The following PGGT1B variants were observed in gnomAD, a reference collection of about 807,000 sequenced individuals.
PGGT1B encodes geranylgeranyl transferase type-1 subunit beta.
Under a neutral mutation model 46.1 loss-of-function variants are expected in PGGT1B, and 30 were observed. The observed-to-expected ratio is 0.65, with a 90% confidence interval of 0.49 to 0.88. PGGT1B has a LOEUF of 0.88. PGGT1B is among the 40% of genes least tolerant of loss of function. The pLI is 0.00. For synonymous variants in PGGT1B, 170 were observed against 160.0 expected, an observed-to-expected ratio of 1.06 and a Z score of -0.47; for missense variants, 376 against 455.9, an observed-to-expected ratio of 0.82 and a Z score of 1.60.
chr5:115,215,682 C>A (rs1756394163), intron 8 of PGGT1B, among the ~76,000 whole-genome samples: 1 of 152,144 alleles, frequency 6.6e-6, no homozygotes, highest in South Asian at 2.1e-4. Flanking sequence ...AAATTGATTT[C>A]ATGAGCTCCT....
At chr5:115,216,247 C>T (rs1165186317) in intron 8 of PGGT1B, among the ~76,000 whole-genome samples, 2 of 152,102 alleles carry the variant, frequency 1.3e-5, no homozygotes, top group Admixed American at 1.3e-4. Context: ...TTAAGTGACT[C>T]TCCTGCCTCA....
At chr5:115,228,830 A>G (rs1031237279) in intron 6 of PGGT1B, among the ~76,000 whole-genome samples, 2 of 152,316 alleles carry the variant, frequency 1.3e-5, no homozygotes, top group Middle Eastern at 3.4e-3. Context: ...TTCAATAAAT[A>G]TAAGATGAGG....
chr5:115,237,236 G>A (rs1757211164), intron 4 of PGGT1B, among the ~76,000 whole-genome samples: 1 of 152,172 alleles, frequency 6.6e-6, no homozygotes, highest in African/African-American at 2.4e-5. Context: ...AGAGCTATTA[G>A]TAGATGGAGC....
intron 6 of PGGT1B, among the ~76,000 whole-genome samples, chr5:115,230,691 T>C (rs755489003): frequency 3.3e-5 from 5 of 152,108 alleles, no homozygotes; most frequent in Admixed American, 2.6e-4. Flanking sequence ...CTAATGATAG[T>C]GTAAGAAACA....
At chr5:115,259,952 T>C (rs1748486200) in intron 1 of PGGT1B, among the ~76,000 whole-genome samples, 1 of 152,148 alleles carries the variant, frequency 6.6e-6, no homozygotes, top group African/African-American at 2.4e-5. Flanking sequence ...TAATTCCTAT[T>C]ACCCAAATAC....
intron 2 of PGGT1B, among the ~76,000 whole-genome samples, chr5:115,243,611 G>A (rs780847217): frequency 9.2e-5 from 14 of 152,208 alleles, no homozygotes; most frequent in Non-Finnish European, 1.5e-4. Context: ...CCACAAACTT[G>A]GCAACTTAAA....
intron 6 of PGGT1B, among the ~76,000 whole-genome samples, chr5:115,225,322 G>C (rs1325798319): frequency 1.3e-5 from 2 of 152,188 alleles, no homozygotes; most frequent in Admixed American, 6.5e-5. Context: ...ACAGATGAAA[G>C]GGACCATAGA....
At chr5:115,217,051 ATTTAGATATGC>A in intron 7 of PGGT1B, 78 bp from the exon 8 acceptor site, 1 of 704,734 alleles carries the variant, frequency 1.4e-6, no homozygotes, top group South Asian at 1.6e-5. Context: ...GATACGTGTC[ATTTAGATATGC>A]TTTTCTTTAG....
At chr5:115,260,871 A>G (rs191398266) in intron 1 of PGGT1B, among the ~76,000 whole-genome samples, 2 of 152,332 alleles carry the variant, frequency 1.3e-5, no homozygotes, top group Admixed American at 1.3e-4. Context: ...GTTTAATGCC[A>G]ATGTGCATTA....
chr5:115,251,081 CAT>C (rs1561484908), intron 2 of PGGT1B, among the ~76,000 whole-genome samples: 1 of 152,094 alleles, frequency 6.6e-6, no homozygotes, highest in Admixed American at 6.5e-5. Context: ...CATGCTAGAA[CAT>C]ATCTTTTGGG....
intron 2 of PGGT1B, among the ~76,000 whole-genome samples, chr5:115,247,321 T>C (rs1317644418): frequency 6.6e-6 from 1 of 152,156 alleles, no homozygotes; most frequent in East Asian, 1.9e-4. Flanking sequence ...AATATAAAAT[T>C]GCATTCAAAA....
chr5:115,256,765 A>G (rs927970102), intron 1 of PGGT1B, among the ~76,000 whole-genome samples: 1 of 152,222 alleles, frequency 6.6e-6, no homozygotes, highest in Non-Finnish European at 1.5e-5. Context: ...TGGGCCTCCC[A>G]GAGAAATAGT....
chr5:115,229,447 T>C (rs901132800), intron 6 of PGGT1B, among the ~76,000 whole-genome samples: 2 of 152,178 alleles, frequency 1.3e-5, no homozygotes, highest in South Asian at 2.1e-4. Flanking sequence ...GCATGAACTA[T>C]AGCCCATCAC....
At chr5:115,248,221 T>G (rs533049344) in intron 2 of PGGT1B, among the ~76,000 whole-genome samples, 2 of 152,148 alleles carry the variant, frequency 1.3e-5, no homozygotes, top group Non-Finnish European at 2.9e-5. Flanking sequence ...AGTCTCTGAG[T>G]TCCCATGAGA....
At chr5:115,226,400 A>G (rs1756784598) in intron 6 of PGGT1B, among the ~76,000 whole-genome samples, 1 of 152,146 alleles carries the variant, frequency 6.6e-6, no homozygotes, top group African/African-American at 2.4e-5. Context: ...CTCAACATGC[A>G]CTATCTCAAG....
chr5:115,244,237 G>A (rs1206116471), intron 2 of PGGT1B, among the ~76,000 whole-genome samples: 1 of 151,526 alleles, frequency 6.6e-6, no homozygotes, highest in African/African-American at 2.4e-5. Flanking sequence ...AGGCCGAGAC[G>A]GGCGGATCAC....
chr5:115,223,858 TTTA>T (rs1313707706), intron 6 of PGGT1B, among the ~76,000 whole-genome samples: 1 of 152,230 alleles, frequency 6.6e-6, no homozygotes, highest in African/African-American at 2.4e-5. Flanking sequence ...ATACTTGCAA[TTTA>T]TTATGACTTC....
chr5:115,228,269 C>G (rs1180092547), intron 6 of PGGT1B, among the ~76,000 whole-genome samples: 1 of 152,170 alleles, frequency 6.6e-6, no homozygotes, highest in Admixed American at 6.6e-5. Flanking sequence ...AAAGAACCAT[C>G]TGTTAGTTTG....
At chr5:115,260,479 A>G (rs1454502900) in intron 1 of PGGT1B, among the ~76,000 whole-genome samples, 1 of 152,094 alleles carries the variant, frequency 6.6e-6, no homozygotes. Context: ...ATCAGCAGAA[A>G]CTTTGTGACC....
Sources: allele counts gnomAD v4.1 joint callset (sites outside exome capture counted in the v4.1 genomes callset), GRCh38; gene constraint gnomAD v4.1.1; transcripts MANE v1.5; gene names NCBI Gene and HGNC (gene_info 2026-07-23, HGNC 2026-07-21).